MACROD2: variants seen among roughly 807,000 people sequenced by gnomAD.
The protein encoded by MACROD2 is ADP-ribose glycohydrolase MACROD2.
In MACROD2, 36 loss-of-function variants were observed where a neutral mutation model predicts 70.4. The observed-to-expected ratio is 0.51, with a 90% confidence interval of 0.39 to 0.68. The LOEUF (loss-of-function observed/expected upper bound fraction) is 0.68. MACROD2 is among the 30% of genes least tolerant of loss of function. The pLI is 0.00. For missense variants in MACROD2, 496 were observed against 538.4 expected (o/e 0.92, Z 0.78); for synonymous variants, 172 against 178.8 (o/e 0.96, Z 0.30).
At chr20:14,901,853 A>C (rs1308824885) in intron 5 of MACROD2, among the ~76,000 whole-genome samples, 1 of 152,106 alleles carries the variant, frequency 6.6e-6, no homozygotes, top group Non-Finnish European at 1.5e-5. Context: ...TTGTATGCCT[A>C]TCAGCTTGGA....
intron 13 of MACROD2, among the ~76,000 whole-genome samples, chr20:15,982,464 G>A (rs2066415281): frequency 6.6e-6 from 1 of 152,142 alleles, no homozygotes; most frequent in Non-Finnish European, 1.5e-5. Flanking sequence ...TCGGCCATGT[G>A]TGGACCAGTC....
intron 8 of MACROD2, among the ~76,000 whole-genome samples, chr20:15,749,220 C>A (rs866863934): frequency 9.2e-5 from 14 of 152,072 alleles, no homozygotes; most frequent in South Asian, 8.3e-4. Flanking sequence ...AGAGTAAGTA[C>A]TTATTAATTT....
intron 5 of MACROD2, among the ~76,000 whole-genome samples, chr20:15,191,738 G>A (rs1432759699): frequency 3.2e-4 from 49 of 152,074 alleles, no homozygotes; most frequent in Non-Finnish European, 8.8e-5. Flanking sequence ...AAATAAATGT[G>A]ATAAATGTTA....
At chr20:14,764,591 T>C (rs548327271) in intron 5 of MACROD2, among the ~76,000 whole-genome samples, 8 of 152,150 alleles carry the variant, frequency 5.3e-5, no homozygotes, top group African/African-American at 1.9e-4. Context: ...CCTTCATGGA[T>C]CCTTATTTAC....
chr20:15,961,391 C>A (rs2066059201), intron 12 of MACROD2, among the ~76,000 whole-genome samples: 1 of 152,094 alleles, frequency 6.6e-6, no homozygotes, highest in African/African-American at 2.4e-5. Flanking sequence ...GAAAAAAAAC[C>A]CAAGTTCTGA....
chr20:14,224,770 A>G (rs562596638), intron 3 of MACROD2, among the ~76,000 whole-genome samples: 1 of 152,328 alleles, frequency 6.6e-6, no homozygotes, highest in African/African-American at 2.4e-5. Context: ...AATTGAATGC[A>G]TATGGTATTT....
chr20:15,959,030 C>T (rs2066019958), intron 12 of MACROD2, among the ~76,000 whole-genome samples: 1 of 152,150 alleles, frequency 6.6e-6, no homozygotes, highest in Non-Finnish European at 1.5e-5. Context: ...ACAATATAGT[C>T]ATTGCGTTAG....
intron 8 of MACROD2, among the ~76,000 whole-genome samples, chr20:15,575,002 A>G (rs372855205): frequency 2.9e-4 from 44 of 152,238 alleles, no homozygotes; most frequent in Admixed American, 4.6e-4. Flanking sequence ...GTACGTACCT[A>G]TATCATGTTT....
chr20:14,294,083 T>G (rs1296939837), intron 3 of MACROD2, among the ~76,000 whole-genome samples: 1 of 151,876 alleles, frequency 6.6e-6, no homozygotes, highest in Non-Finnish European at 1.5e-5. Flanking sequence ...GTACCTAAAC[T>G]GTATTTGGTG....
intron 5 of MACROD2, among the ~76,000 whole-genome samples, chr20:15,020,562 A>G (rs932349044): frequency 2.0e-5 from 3 of 152,084 alleles, no homozygotes; most frequent in African/African-American, 2.4e-5. Context: ...TAATAGAGAT[A>G]TGTCCTGAGA....
chr20:14,646,876 T>C (rs763735157), intron 4 of MACROD2, among the ~76,000 whole-genome samples: 11 of 152,100 alleles, frequency 7.2e-5, no homozygotes, highest in South Asian at 2.1e-4. Flanking sequence ...AACGCAGCAA[T>C]TACGTGTGTG....
At chr20:14,116,541 A>T (rs530137448) in intron 3 of MACROD2, among the ~76,000 whole-genome samples, 3 of 152,188 alleles carry the variant, frequency 2.0e-5, no homozygotes, top group Non-Finnish European at 4.4e-5. Context: ...TTTTAATGCA[A>T]TTTTTTTCTT....
intron 6 of MACROD2, among the ~76,000 whole-genome samples, chr20:15,325,156 T>C (rs763573952): frequency 6.6e-5 from 10 of 152,124 alleles, no homozygotes; most frequent in Non-Finnish European, 1.2e-4. Flanking sequence ...TAACATACAA[T>C]CTTTCACCCC....
chr20:15,312,364 G>T (rs2077762212), intron 6 of MACROD2, among the ~76,000 whole-genome samples: 1 of 152,166 alleles, frequency 6.6e-6, no homozygotes, highest in Admixed American at 6.5e-5. Flanking sequence ...AGACATATTT[G>T]TAGATAAAAT....
intron 5 of MACROD2, among the ~76,000 whole-genome samples, chr20:15,107,731 AC>A (rs1271848046): frequency 6.6e-6 from 1 of 152,142 alleles, no homozygotes; most frequent in African/African-American, 2.4e-5. Context: ...TTTCAATGAA[AC>A]AGCAGAATAC....
At chr20:14,687,139 A>G (rs1299135520) in intron 5 of MACROD2, among the ~76,000 whole-genome samples, 5 of 152,196 alleles carry the variant, frequency 3.3e-5, no homozygotes, top group African/African-American at 1.2e-4. Context: ...GTTGACTGCT[A>G]CAATAATAGC....
At chr20:14,794,073 A>G (rs1340558395) in intron 5 of MACROD2, among the ~76,000 whole-genome samples, 1 of 152,052 alleles carries the variant, frequency 6.6e-6, no homozygotes, top group Non-Finnish European at 1.5e-5. Flanking sequence ...GGGCTTACTT[A>G]CTAACTAGCA....
intron 5 of MACROD2, among the ~76,000 whole-genome samples, chr20:15,193,972 G>A (rs2076588380): frequency 6.6e-6 from 1 of 152,014 alleles, no homozygotes; most frequent in African/African-American, 2.4e-5. Context: ...TAGGCCAGGT[G>A]TGGTGGCTCA....
intron 3 of MACROD2, among the ~76,000 whole-genome samples, chr20:14,365,125 G>T (rs1417671058): frequency 1.3e-5 from 2 of 152,062 alleles, no homozygotes; most frequent in African/African-American, 4.8e-5. Flanking sequence ...GGTGGTTTTT[G>T]ATTACTGACT....
Sources: allele counts gnomAD v4.1 joint callset (sites outside exome capture counted in the v4.1 genomes callset), GRCh38; gene constraint gnomAD v4.1.1; transcripts MANE v1.5; gene names NCBI Gene and HGNC (gene_info 2026-07-23, HGNC 2026-07-21).